The following TMEM232 variants were observed in gnomAD, a reference collection of about 807,000 sequenced individuals.
The protein encoded by TMEM232 is transmembrane protein 232.
A neutral mutation model predicts 78.8 loss-of-function variants in TMEM232; 80 were observed. The ratio of observed to expected loss-of-function variants is 1.01; its 90% confidence interval spans 0.85 to 1.22. The LOEUF is 1.22. Ranked by LOEUF, TMEM232 falls within the 50% of genes most tolerant of loss-of-function variation. The pLI is 0.00. For synonymous variants in TMEM232, 297 were observed against 254.3 expected (o/e 1.17, Z -1.60); for missense variants, 881 against 742.2 (o/e 1.19, Z -2.17).
chr5:110,696,027 T>C (rs545427358), intron 1 of TMEM232, among the ~76,000 whole-genome samples: 5 of 152,314 alleles, frequency 3.3e-5, no homozygotes, highest in East Asian at 1.9e-4. Flanking sequence ...CCAATATTCC[T>C]GATGAACATT....
chr5:110,521,640 G>GT (rs1389379876), intron 12 of TMEM232, among the ~76,000 whole-genome samples: 1 of 152,130 alleles, frequency 6.6e-6, no homozygotes, highest in African/African-American at 2.4e-5. Context: ...TGTGCTTGGT[G>GT]TAAGAGTTCA....
intron 12 of TMEM232, among the ~76,000 whole-genome samples, chr5:110,496,684 T>G (rs1318756075): frequency 6.6e-6 from 1 of 151,980 alleles, no homozygotes; most frequent in Non-Finnish European, 1.5e-5. Context: ...GAGAAACAGA[T>G]ACCATAAAAT....
At chr5:110,667,401 G>T in intron 1 of TMEM232, 37 bp from the exon 2 acceptor site, 1 of 1,406,616 alleles carries the variant, frequency 7.1e-7, no homozygotes. Flanking sequence ...GCATACAAAT[G>T]CACTCATAGT....
At chr5:110,478,195 A>G (rs545599128) in intron 12 of TMEM232, among the ~76,000 whole-genome samples, 11 of 151,980 alleles carry the variant, frequency 7.2e-5, no homozygotes, top group Non-Finnish European at 1.3e-4. Flanking sequence ...TTGCTGCTAT[A>G]TGGTTCTCAC....
chr5:110,705,299 G>T (rs1472362606), intron 1 of TMEM232, among the ~76,000 whole-genome samples: 1 of 152,082 alleles, frequency 6.6e-6, no homozygotes, highest in African/African-American at 2.4e-5. Flanking sequence ...TGCCATAGGG[G>T]CAGGACTTAG....
chr5:110,499,082 G>T (rs906936598), intron 12 of TMEM232, among the ~76,000 whole-genome samples: 1 of 151,866 alleles, frequency 6.6e-6, no homozygotes, highest in Non-Finnish European at 1.5e-5. Flanking sequence ...AAAAAGGGGG[G>T]CAATAAAGAA....
chr5:110,701,983 T>C (rs1306948377), intron 1 of TMEM232, among the ~76,000 whole-genome samples: 1 of 151,940 alleles, frequency 6.6e-6, no homozygotes, highest in Non-Finnish European at 1.5e-5. Flanking sequence ...CCAAATTGAG[T>C]AACTAGAATT....
intron 10 of TMEM232, among the ~76,000 whole-genome samples, chr5:110,577,106 G>C (rs1036416836): frequency 5.9e-5 from 9 of 151,980 alleles, no homozygotes; most frequent in Admixed American, 3.3e-4. Context: ...TTGGGAATGG[G>C]AGAAAATTTT....
At chr5:110,670,506 T>C (rs1379074379) in intron 1 of TMEM232, among the ~76,000 whole-genome samples, 2 of 152,098 alleles carry the variant, frequency 1.3e-5, no homozygotes, top group Admixed American at 1.3e-4. Flanking sequence ...TGGAAGAACA[T>C]TCCATGCTCA....
chr5:110,469,646 G>T (rs1382598803), intron 12 of TMEM232, among the ~76,000 whole-genome samples: 2 of 152,148 alleles, frequency 1.3e-5, no homozygotes, highest in Non-Finnish European at 2.9e-5. Context: ...CTGTTCCCGT[G>T]TCAGCACTGA....
At chr5:110,597,615 A>G (rs1424358956) in intron 10 of TMEM232, among the ~76,000 whole-genome samples, 1 of 151,730 alleles carries the variant, frequency 6.6e-6, no homozygotes, top group Non-Finnish European at 1.5e-5. Flanking sequence ...TTCAAACTAT[A>G]CTACAAGGCT....
chr5:110,460,402 C>T (rs1051253242), intron 12 of TMEM232, among the ~76,000 whole-genome samples: 1 of 151,942 alleles, frequency 6.6e-6, no homozygotes, highest in Non-Finnish European at 1.5e-5. Flanking sequence ...TATATGGATG[C>T]TCTCTATAGT....
chr5:110,394,638 A>G (rs1755321008), intron 3 of TMEM232, among the ~76,000 whole-genome samples: 1 of 152,014 alleles, frequency 6.6e-6, no homozygotes, highest in African/African-American at 2.4e-5. Flanking sequence ...TTGGGTCACA[A>G]CTGTTTGTTT....
At chr5:110,661,259 A>G (rs900821908) in intron 2 of TMEM232, among the ~76,000 whole-genome samples, 1 of 152,148 alleles carries the variant, frequency 6.6e-6, no homozygotes, top group Non-Finnish European at 1.5e-5. Context: ...TTGATTCCAT[A>G]TCTTGGCTAT....
intron 8 of TMEM232, 110 bp from the exon 9 acceptor site, chr5:110,606,397 A>T (rs1781548668): frequency 7.6e-6 from 8 of 1,050,418 alleles, no homozygotes; most frequent in African/African-American, 4.8e-5. Context: ...TGTCTGCATT[A>T]CCAGATACAT....
chr5:110,602,152 G>A (rs1438585120), intron 10 of TMEM232, among the ~76,000 whole-genome samples: 2 of 152,126 alleles, frequency 1.3e-5, no homozygotes, highest in Non-Finnish European at 2.9e-5. Flanking sequence ...AACTCAAGAT[G>A]AGTTAAAGAC....
At position 110,507,915 on chromosome 5, in the gene TMEM232, T is replaced by C. The variant is rs139626967; in HGVS notation, c.1703+20673A>G. On this transcript the variant is annotated intron_variant, in intron 12 of 13. Transcript: ENST00000455884. Reference sequence around the variant, plus strand: ...GAAAAGAGGCAAAGAAAAATTACTATATGTGACTTTTTTTCTATGATTTAC... The same window carrying C: ...GAAAAGAGGCAAAGAAAAATTACTACATGTGACTTTTTTTCTATGATTTAC... Among the ~76,000 whole-genome samples, 476 of 152,326 alleles carry C rather than the reference T, an allele frequency of 3.1e-3. 3 individuals are homozygous for C. The highest frequency in any genetic ancestry group is 5.6e-3 in the Non-Finnish European group (384 of 68,030).
At chr5:110,697,585 C>G (rs1463313771) in intron 1 of TMEM232, among the ~76,000 whole-genome samples, 2 of 152,040 alleles carry the variant, frequency 1.3e-5, no homozygotes, top group African/African-American at 2.4e-5. Flanking sequence ...CTACAATGAA[C>G]TCAAACAAAT....
intron 1 of TMEM232, among the ~76,000 whole-genome samples, chr5:110,701,634 C>A (rs1224545217): frequency 6.6e-6 from 1 of 151,986 alleles, no homozygotes; most frequent in African/African-American, 2.4e-5. Context: ...TACCAATAGA[C>A]CCTGTCAGTA....
Sources: gnomAD v4.1 joint callset for allele counts (sites outside exome capture counted in the v4.1 genomes callset) on GRCh38, gnomAD v4.1.1 for gene constraint, MANE v1.5 for transcripts, NCBI Gene and HGNC (gene_info 2026-07-23, HGNC 2026-07-21) for gene names.